Variants in ACAA2 observed in about 807,000 individuals in gnomAD.
The protein encoded by ACAA2 is acetyl-CoA acyltransferase 2.
ACAA2 carries 35 observed loss-of-function variants against 44.8 expected under a neutral mutation model. That is an observed-to-expected ratio of 0.78 (90% CI 0.60 to 1.04). The LOEUF is 1.04. ACAA2 is among the 50% of genes least tolerant of loss of function. The pLI is 0.00. For synonymous variants in ACAA2, 142 were observed against 166.5 expected, an observed-to-expected ratio of 0.85 and a Z score of 1.13; for missense variants, 468 against 482.6, an observed-to-expected ratio of 0.97 and a Z score of 0.28.
At chr18:49,797,371 T>A in intron 3 of ACAA2, 95 bp downstream of exon 3, 2 of 1,150,296 alleles carry the variant, frequency 1.7e-6, no homozygotes, top group Non-Finnish European at 1.2e-6. Flanking sequence ...GCTCAAGCAA[T>A]CCTCCCTAAA....
At chr18:49,810,702 T>C (rs765514561) in intron 1 of ACAA2, among the ~76,000 whole-genome samples, 3 of 151,878 alleles carry the variant, frequency 2.0e-5, no homozygotes, top group Non-Finnish European at 4.4e-5. Flanking sequence ...TGTTTGTTTG[T>C]TTGGAGGCAG....
chr18:49,800,391 A>T (rs1568589026), intron 2 of ACAA2, among the ~76,000 whole-genome samples: 1 of 151,786 alleles, frequency 6.6e-6, no homozygotes. Flanking sequence ...CCCGTCTGGG[A>T]GGTGTGCCCA....
rs376134556 is a variant in ACAA2, at chr18:49,794,409, C to A, written c.448G>T (p.Val150Leu). The A allele has an allele frequency of 6.3e-6, 10 of 1,587,784 alleles. No homozygotes were observed. The highest frequency in any genetic ancestry group is 7.7e-6 in the Non-Finnish European group (9 of 1,170,324). Residue 150 changes from valine to leucine, a missense_variant, in exon 5 of 10, where the codon GTA (valine) becomes TTA (leucine). By Grantham distance (32) the Val-to-Leu change is conservative (BLOSUM62 1). Coordinates refer to ENST00000285093, the MANE Select transcript of ACAA2 (RefSeq NM_006111.3). ...TGGACATGCTGATCTGTTAATGATA[C>A]CCATAAAGAATCTTCCAGCTATTAA... ...SDIKLEDSLWVSLTDQHVQLP... is the reference protein window; with the variant it reads ...SDIKLEDSLWLSLTDQHVQLP...
intron 9 of ACAA2, among the ~76,000 whole-genome samples, chr18:49,784,507 G>A (rs1391854972): frequency 6.6e-6 from 1 of 152,086 alleles, no homozygotes; most frequent in Non-Finnish European, 1.5e-5. Flanking sequence ...AATTATCCAG[G>A]AATTACTTTT....
At chr18:49,797,904 G>T (rs536030503) in intron 2 of ACAA2, among the ~76,000 whole-genome samples, 2 of 152,176 alleles carry the variant, frequency 1.3e-5, no homozygotes, top group South Asian at 4.1e-4. Context: ...ATAATGTTGT[G>T]TAACCACAGT....
chr18:49,800,084 G>C (rs1434518461), intron 2 of ACAA2, among the ~76,000 whole-genome samples: 2 of 149,860 alleles, frequency 1.3e-5, no homozygotes, highest in Non-Finnish European at 3.0e-5. Flanking sequence ...GGAGGGAGGT[G>C]GGGGTCAGCC....
Position 49,792,234 on chromosome 18 carries a change from C to G in ACAA2, c.671G>C (p.Arg224Pro). 1 of 1,613,766 alleles carries G rather than the reference C, an allele frequency of 6.2e-7. No individual in the cohort carries two copies. ...TAACTGTTCCAGGGTGGTTTGGGGC[C>G]GAGCATGCTCGTCTACCTGCATTGT... ...KQTMQVDEHA[R>P]PQTTLEQLQK... Residue 224 changes from arginine (R) to proline (P), a missense_variant, in exon 6 of 10, where the codon CGG (arginine) becomes CCG (proline). Arg to Pro is a moderately radical substitution (Grantham distance 103). Transcript: ENST00000285093.
intron 5 of ACAA2, among the ~76,000 whole-genome samples, chr18:49,793,258 T>C (rs1365655653): frequency 6.6e-6 from 1 of 152,262 alleles, no homozygotes; most frequent in Non-Finnish European, 1.5e-5. Context: ...TAGTAATCTA[T>C]AGCTTTGGAA....
chr18:49,798,853 T>G (rs553475119), intron 2 of ACAA2, among the ~76,000 whole-genome samples: 1 of 152,102 alleles, frequency 6.6e-6, no homozygotes, highest in South Asian at 2.1e-4. Context: ...AAATATCACA[T>G]ATCAACAGAA....
At chr18:49,792,035 A>G (rs2023407478) in intron 6 of ACAA2, 117 bp downstream of exon 6, 1 of 728,916 alleles carries the variant, frequency 1.4e-6, no homozygotes, top group South Asian at 2.6e-5. Context: ...TATGAACACT[A>G]TTAGTTTAAG....
chr18:49,783,642 T>C lies in ACAA2; in HGVS notation c.*205A>G, dbSNP rs1475344839. The C allele has an allele frequency of 1.9e-6, 1 of 513,278 alleles. No homozygotes were observed. Among genetic ancestry groups the C allele is most frequent in the Non-Finnish European group, 3.6e-6 (1 of 277,998 alleles). The allele number at this position is 513,278 out of a possible 1,614,324, so 31.8% of individuals were successfully genotyped here. Reference sequence around the variant, plus strand: ...AGCTCAGAAATACATCATATTTCACTGGTTCAAATCTGAGAGAATGTACTT... The same window carrying C: ...AGCTCAGAAATACATCATATTTCACCGGTTCAAATCTGAGAGAATGTACTT... On this transcript the variant is annotated 3_prime_UTR_variant, in exon 10 of 10. Transcript: ENST00000285093.
rs1481525310 is a variant in ACAA2, at chr18:49,785,216, G to A, written c.1090C>T (p.His364Tyr). 1 of 1,613,030 alleles carries A rather than the reference G, an allele frequency of 6.2e-7. No homozygotes were observed. The highest frequency in any genetic ancestry group is 1.3e-5 in the African/African-American group (1 of 74,936). Reference protein sequence around the residue: ...LGGSGSRITAHLVHELRRRGG... With the variant: ...LGGSGSRITAYLVHELRRRGG... ...AAATACCTTAATTCGTGAACCAGGT[G>A]TGCAGTAATTCTTGATCCAGATCCT... Residue 364 changes from histidine (H) to tyrosine (Y), a missense_variant, in exon 9 of 10, where the codon CAC (histidine) becomes TAC (tyrosine). Coordinates refer to ENST00000285093, the MANE Select transcript of ACAA2 (RefSeq NM_006111.3).
chr18:49,785,502 A>G (rs2023317551), intron 8 of ACAA2, 151 bp from the exon 9 acceptor site: 1 of 740,464 alleles, frequency 1.4e-6, no homozygotes, highest in African/African-American at 1.8e-5. Flanking sequence ...CATTCTGCAT[A>G]AAGCTATCAG....
At position 49,794,333 on chromosome 18, in the gene ACAA2, C is replaced by CT; in HGVS notation, c.523dup (p.Ser175LysfsTer6). The CT allele has an allele frequency of 6.2e-7, 1 of 1,610,816 alleles. No homozygotes were observed. The highest frequency in any genetic ancestry group is 8.5e-7 in the Non-Finnish European group (1 of 1,179,504). On this transcript the variant is annotated frameshift_variant, in exon 5 of 10. Transcript: ENST00000285093. LOFTEE classifies it high-confidence loss of function. ...GGCATATTTGTCACATTCTTCTCTG[C>CT]TTATTTTGTGTTTTACAGCAAGATT...
chr18:49,800,647 T>C (rs2023536287), intron 2 of ACAA2, among the ~76,000 whole-genome samples: 1 of 152,204 alleles, frequency 6.6e-6, no homozygotes, highest in Non-Finnish European at 1.5e-5. Context: ...CAAGGTTAAA[T>C]GGATTAAGGG....
chr18:49,792,109 C>CACACCAGGAAGAATTCAAGCTAATCT, intron 6 of ACAA2, 43 bp downstream of exon 6: 1 of 1,526,500 alleles, frequency 6.6e-7, no homozygotes, highest in Non-Finnish European at 9.0e-7. Context: ...TTTTGTTGAA[C>CACACCAGGAAGAATTCAAGCTAATCT]ACACCAGGAA....
At chr18:49,796,988 T>C (rs2023472186) in intron 3 of ACAA2, among the ~76,000 whole-genome samples, 1 of 151,862 alleles carries the variant, frequency 6.6e-6, no homozygotes. Flanking sequence ...ATATAATACT[T>C]ACCATTTTAA....
intron 1 of ACAA2, among the ~76,000 whole-genome samples, chr18:49,810,661 T>C (rs1356455933): frequency 6.6e-6 from 1 of 152,122 alleles, no homozygotes; most frequent in East Asian, 1.9e-4. Context: ...GAAAATGTTC[T>C]CAATCATATA....
chr18:49,804,908 A>G (rs939459022), intron 1 of ACAA2, among the ~76,000 whole-genome samples: 6 of 152,234 alleles, frequency 3.9e-5, no homozygotes, highest in Non-Finnish European at 7.3e-5. Flanking sequence ...ATCAGTAAGC[A>G]GCATCAGTTA....
Sources: gnomAD v4.1 joint callset for allele counts (sites outside exome capture counted in the v4.1 genomes callset) on GRCh38, gnomAD v4.1.1 for gene constraint, MANE v1.5 for transcripts, NCBI Gene and HGNC (gene_info 2026-07-23, HGNC 2026-07-21) for gene names.